Variants in RALYL observed in about 807,000 individuals in gnomAD.
RALYL encodes RALY RNA binding protein like.
Under a neutral mutation model 35.1 loss-of-function variants are expected in RALYL, and 29 were observed. That is an observed-to-expected ratio of 0.83 (90% confidence interval 0.61 to 1.13). The LOEUF (loss-of-function observed/expected upper bound fraction) is 1.13. Ranked by LOEUF, RALYL falls within the 50% of genes most tolerant of loss-of-function variation. The pLI is 0.00. For missense variants in RALYL, 359 were observed against 360.4 expected (o/e 1.00, Z 0.03); for synonymous variants, 120 against 127.6 (o/e 0.94, Z 0.40).
chr8:84,339,063 G>A (rs1311440926), intron 1 of RALYL, among the ~76,000 whole-genome samples: 2 of 152,060 alleles, frequency 1.3e-5, no homozygotes, highest in African/African-American at 2.4e-5. Flanking sequence ...ATGATCTGAC[G>A]ATGGGGTTAA....
At chr8:84,248,101 G>C (rs1292679507) in intron 1 of RALYL, among the ~76,000 whole-genome samples, 1 of 152,020 alleles carries the variant, frequency 6.6e-6, no homozygotes, top group East Asian at 1.9e-4. Context: ...CCTTTAATTT[G>C]CTTAGGGGAG....
At chr8:84,405,446 A>G (rs1321625327) in intron 1 of RALYL, among the ~76,000 whole-genome samples, 3 of 152,188 alleles carry the variant, frequency 2.0e-5, no homozygotes, top group African/African-American at 4.8e-5. Flanking sequence ...GATTAACAAA[A>G]TAGATAGACC....
chr8:84,617,167 A>G lies in RALYL; in HGVS notation c.256+87590A>G, dbSNP rs1280616873. On this transcript the variant is annotated intron_variant, in intron 2 of 8. Transcript: ENST00000521268. ...GCTTGATGGGGATGGCATTGAATCT[A>G]TAAATTACCTTGGGCAGTATGGCCA... Among the ~76,000 whole-genome samples the G allele has an allele frequency of 6.0e-5, 9 of 150,620 alleles. No homozygotes were observed. The East Asian group carries it at 1.6e-3, about 26-fold the overall frequency.
chr8:84,599,383 T>C (rs1017109834), intron 2 of RALYL, among the ~76,000 whole-genome samples: 1 of 152,016 alleles, frequency 6.6e-6, no homozygotes, highest in African/African-American at 2.4e-5. Context: ...ATATATACAA[T>C]TGTAATTTGT....
At chr8:84,806,250 C>CA (rs1238714542) in intron 4 of RALYL, among the ~76,000 whole-genome samples, 1 of 151,802 alleles carries the variant, frequency 6.6e-6, no homozygotes, top group African/African-American at 2.4e-5. Context: ...TGGTCTGGCC[C>CA]AAAAAAAGTG....
chr8:84,612,942 G>T (rs114967528), intron 2 of RALYL, among the ~76,000 whole-genome samples: 1 of 151,594 alleles, frequency 6.6e-6, no homozygotes, highest in Non-Finnish European at 1.5e-5. Context: ...TTTAGTTTTC[G>T]TAGTAAAATT....
intron 1 of RALYL, among the ~76,000 whole-genome samples, chr8:84,235,340 A>G (rs1826270112): frequency 6.6e-6 from 1 of 152,228 alleles, no homozygotes; most frequent in African/African-American, 2.4e-5. Flanking sequence ...CACTTTAGAC[A>G]TAGATATTCA....
intron 2 of RALYL, among the ~76,000 whole-genome samples, chr8:84,760,672 T>C (rs2634061): frequency 0.27 from 40,846 of 151,860 alleles, 5,886 homozygotes; most frequent in African/African-American, 0.35. Flanking sequence ...AATTCAGATT[T>C]TTAAGTTTGT....
intron 1 of RALYL, among the ~76,000 whole-genome samples, chr8:84,433,659 A>G (rs1050826209): frequency 5.3e-5 from 8 of 152,040 alleles, no homozygotes; most frequent in South Asian, 2.1e-4. Flanking sequence ...TGCTGCCACC[A>G]TGTAAGAAGT....
intron 1 of RALYL, among the ~76,000 whole-genome samples, chr8:84,373,530 A>G (rs1856340922): frequency 2.6e-5 from 4 of 151,840 alleles, no homozygotes; most frequent in Admixed American, 2.6e-4. Flanking sequence ...GATAGTTCTA[A>G]GTGTGTGGCC....
intron 1 of RALYL, among the ~76,000 whole-genome samples, chr8:84,255,570 G>T (rs1370517555): frequency 6.6e-6 from 1 of 152,108 alleles, no homozygotes; most frequent in African/African-American, 2.4e-5. Context: ...GGACCAGTGG[G>T]TGCAGAGATT....
intron 1 of RALYL, among the ~76,000 whole-genome samples, chr8:84,302,155 C>G (rs940227044): frequency 6.6e-6 from 1 of 152,036 alleles, no homozygotes; most frequent in Admixed American, 6.6e-5. Context: ...AGTCACTTAC[C>G]CCATCTTTTC....
At chr8:84,746,695 A>G (rs969498543) in intron 2 of RALYL, among the ~76,000 whole-genome samples, 2 of 152,026 alleles carry the variant, frequency 1.3e-5, no homozygotes, top group Admixed American at 6.6e-5. Context: ...ATAGTTCAAC[A>G]TGAAACTAGC....
intron 2 of RALYL, among the ~76,000 whole-genome samples, chr8:84,553,560 C>T (rs935986701): frequency 6.6e-6 from 1 of 152,170 alleles, no homozygotes; most frequent in Non-Finnish European, 1.5e-5. Context: ...CTCACAACAT[C>T]CCTCAAACGA....
chr8:84,870,551 C>A (rs1840017180), intron 6 of RALYL, among the ~76,000 whole-genome samples: 1 of 144,844 alleles, frequency 6.9e-6, no homozygotes, highest in Admixed American at 7.2e-5. Context: ...GATAGTATTA[C>A]CAATGTCTTC....
chr8:84,466,873 G>A (rs2133553342), intron 1 of RALYL, among the ~76,000 whole-genome samples: 1 of 151,254 alleles, frequency 6.6e-6, no homozygotes, highest in Non-Finnish European at 1.5e-5. Flanking sequence ...AGTCTTGGGA[G>A]AGTGTATGTG....
chr8:84,507,708 G>T (rs955552979), intron 1 of RALYL, among the ~76,000 whole-genome samples: 1 of 152,114 alleles, frequency 6.6e-6, no homozygotes, highest in Non-Finnish European at 1.5e-5. Flanking sequence ...GCACTGAGAA[G>T]ATCTCACCTT....
chr8:84,897,928 C>A (rs556906330), intron 8 of RALYL, among the ~76,000 whole-genome samples: 6 of 152,202 alleles, frequency 3.9e-5, no homozygotes, highest in African/African-American at 1.4e-4. Flanking sequence ...ATAAGTCATA[C>A]AATCGGGTGT....
At chr8:84,335,630 A>G (rs1847632671) in intron 1 of RALYL, among the ~76,000 whole-genome samples, 1 of 151,814 alleles carries the variant, frequency 6.6e-6, no homozygotes, top group African/African-American at 2.4e-5. Context: ...CCGCAAGAAG[A>G]TCAGAAAAAA....
Sources: allele counts gnomAD v4.1 joint callset (sites outside exome capture counted in the v4.1 genomes callset), GRCh38; gene constraint gnomAD v4.1.1; transcripts MANE v1.5; gene names NCBI Gene and HGNC (gene_info 2026-07-23, HGNC 2026-07-21).